The following KY variants were observed in gnomAD, a reference collection of about 807,000 sequenced individuals.
The protein encoded by KY is kyphoscoliosis peptidase.
A neutral mutation model predicts 76.1 loss-of-function variants in KY; 43 were observed. The ratio of observed to expected loss-of-function variants is 0.57; its 90% CI spans 0.44 to 0.73. The LOEUF is 0.73. KY is among the 30% of genes least tolerant of loss of function. The probability of loss-of-function intolerance (pLI) is 0.00; values close to 1 mark genes in which losing one functional copy is unlikely to be tolerated. For missense variants in KY, 722 were observed against 828.9 expected (o/e 0.87, Z 1.58); for synonymous variants, 277 against 326.2 (o/e 0.85, Z 1.63).
chr3:134,639,951 A>AAAAC (rs1377143839), intron 3 of KY: 2 of 23,396 alleles, frequency 8.5e-5, no homozygotes, highest in Non-Finnish European at 1.8e-4. Flanking sequence ...CCCTGTCTCA[A>AAAAC]AAAAAAAAAA....
intron 8 of KY, among the ~76,000 whole-genome samples, chr3:134,611,139 T>C (rs1273995577): frequency 1.3e-5 from 2 of 152,230 alleles, no homozygotes; most frequent in African/African-American, 4.8e-5. Flanking sequence ...TGGAGTCTCC[T>C]GTGGCTGTCC....
Position 134,627,670 on chromosome 3 carries a change from G to C in KY, c.400+86C>G, listed in dbSNP as rs1051842214. On this transcript the variant is annotated intron_variant, in intron 5 of 10. Coordinates refer to ENST00000423778, the MANE Select transcript of KY (RefSeq NM_178554.6). ...CCCAGCCTCTCAGCATAGTGGCCCA[G>C]GAAGCAACTGTCAATTGGAGATTAG... The C allele has an allele frequency of 1.5e-5, 19 of 1,237,636 alleles. No homozygotes were observed. The African/African-American group carries it at 2.7e-4, about 17-fold the overall frequency. The allele number at this position is 1,237,636 out of a possible 1,614,324, so 76.7% of individuals were successfully genotyped here.
chr3:134,638,710 C>T (rs1052926131), intron 3 of KY, among the ~76,000 whole-genome samples: 4 of 152,254 alleles, frequency 2.6e-5, no homozygotes, highest in African/African-American at 9.6e-5. Flanking sequence ...ATGCTTACTG[C>T]CCTGCCTTTC....
intron 10 of KY, 70 bp downstream of exon 10, chr3:134,608,579 G>A (rs748924674): frequency 1.1e-5 from 18 of 1,612,594 alleles, no homozygotes; most frequent in East Asian, 2.2e-5. Context: ...AGTCTCAGGC[G>A]GGCTCCTGGA....
In KY at chr3:134,618,190, C is replaced by A. The variant is rs531256042; in HGVS notation, c.710+958G>T. On this transcript the variant is annotated intron_variant, in intron 8 of 10. Transcript: ENST00000423778. Reference sequence around the variant, plus strand: ...CTGTGCTTGGCAGTGGTGATGGGGGCAGGAGGCAGCACAACAGGGGGTTTG... The same window carrying A: ...CTGTGCTTGGCAGTGGTGATGGGGGAAGGAGGCAGCACAACAGGGGGTTTG... Among the ~76,000 whole-genome samples, 5 of 152,204 alleles carry A rather than the reference C, an allele frequency of 3.3e-5. No individual in the cohort carries two copies. In the South Asian group the frequency reaches 1.0e-3, roughly 32 times the overall value.
rs1039886200 is a variant in KY, at chr3:134,602,037, C to T, written c.*1542G>A. Reference sequence around the variant, plus strand: ...GTGAGGGTGAGTGCCACGGAGGAAGCTATGAGGGTCCCAGCTGGCCCTGGC... The same window carrying T: ...GTGAGGGTGAGTGCCACGGAGGAAGTTATGAGGGTCCCAGCTGGCCCTGGC... On this transcript the variant is annotated 3_prime_UTR_variant, in exon 11 of 11. Coordinates refer to ENST00000423778, the MANE Select transcript of KY (RefSeq NM_178554.6). Among the ~76,000 whole-genome samples the T allele has an allele frequency of 2.0e-5, 3 of 152,182 alleles. No homozygotes were observed. Among genetic ancestry groups the T allele is most frequent in the Admixed American group, 6.5e-5 (1 of 15,280 alleles).
chr3:134,646,841 G>C (rs566772244), intron 2 of KY, among the ~76,000 whole-genome samples: 1 of 152,232 alleles, frequency 6.6e-6, no homozygotes, highest in South Asian at 2.1e-4. Context: ...GTTTGTCCCT[G>C]GAGGCTGGGC....
rs554935589 is a variant in KY at position 134,603,701 on chromosome 3, C to T, written c.1864G>A (p.Glu622Lys). ...QDTWPLTLNH[E>K]GYWEGSCSTA... ...CTGCAGCTTCCCTCCCAGTAGCCCT[C>T]GTGGTTCAGGGTCAGGGGCCATGTG... is the stretch of plus-strand genomic sequence containing the variant. The change falls in exon 11 of 11, where the codon GAG becomes AAG. Residue 622 changes from glutamate (E) to lysine (K), a missense_variant. Around this residue, in one of 2 missense-constraint regions of KY, gnomAD observed 552 missense variants for 680.9 expected, o/e 0.81. Transcript: ENST00000423778. 5 of 1,613,918 alleles carry T rather than the reference C, an allele frequency of 3.1e-6. No homozygotes were observed. Among genetic ancestry groups the T allele is most frequent in the African/African-American group, 1.3e-5 (1 of 75,052 alleles).
chr3:134,625,785 G>T (rs1269306320), intron 5 of KY, among the ~76,000 whole-genome samples: 2 of 152,250 alleles, frequency 1.3e-5, no homozygotes, highest in Non-Finnish European at 2.9e-5. Context: ...CCTGAGAAAG[G>T]CTGGGCCTCC....
At chr3:134,608,119 C>A in intron 10 of KY, 1 of 1,131,292 alleles carries the variant, frequency 8.8e-7, no homozygotes, top group Non-Finnish European at 1.1e-6. Flanking sequence ...CCCATCCTTG[C>A]TGGTTGGACC....
Position 134,604,377 on chromosome 3 carries a change from C to T in KY, c.1188G>A (p.Arg396=). 1 of 1,614,040 alleles carries T rather than the reference C, an allele frequency of 6.2e-7. No individual in the cohort carries two copies. Residue 396 remains arginine, a synonymous_variant, in exon 11 of 11, where the codon AGG becomes AGA. Coordinates refer to ENST00000423778, the MANE Select transcript of KY (RefSeq NM_178554.6). The part of the protein sequence containing the change: ...GKQEHGLLSL[R]KNGMKLEVYP... Reference sequence around the variant, plus strand: ...ACACCTCCAACTTCATCCCATTCTTCCTTAGGCTCAGCAGCCCATGCTCTT... The same window carrying T: ...ACACCTCCAACTTCATCCCATTCTTTCTTAGGCTCAGCAGCCCATGCTCTT...
Position 134,625,133 on chromosome 3 carries a change from A to G in KY, c.403T>C (p.Tyr135His), listed in dbSNP as rs1055206047. The G allele has an allele frequency of 7.5e-6, 12 of 1,595,080 alleles. No individual in the cohort carries two copies. The African/African-American group carries it at 1.3e-4, about 18-fold the overall frequency. The change falls in exon 6 of 11, where the codon TAC (tyrosine) becomes CAC (histidine). Residue 135 changes from tyrosine to histidine, a missense_variant and splice_region_variant. Tyr to His is a moderately conservative substitution (Grantham distance 83). This residue lies in a region of KY where 552 missense variants were observed against 680.9 expected (regional missense o/e 0.81). Transcript: ENST00000423778. ...TTCAGGCTAGATCGATCCCAGGGGT[A>G]GGCTGGAAACACAGGGCACCTTGGT... ...RQPGGKDAHA[Y>H]PWDRSSLKSM...
intron 3 of KY, chr3:134,641,277 C>G (rs779054074): frequency 6.6e-6 from 1 of 152,122 alleles, no homozygotes; most frequent in African/African-American, 2.4e-5. Flanking sequence ...ATCCCTGGAA[C>G]CTGTGAATGT....
At chr3:134,616,097 C>T (rs905370321) in intron 8 of KY, among the ~76,000 whole-genome samples, 9 of 152,174 alleles carry the variant, frequency 5.9e-5, no homozygotes, top group African/African-American at 2.2e-4. Context: ...AAGCTTGGCT[C>T]CTGCGAGGAA....
rs1237560584 is a variant in KY, at chr3:134,600,056, A to G, written c.*3523T>C. ...AAGTAATCACCTCTTTCAATTGCCG[A>G]CTACTTACTCCAAATGAAAAGAAAT... On this transcript the variant is annotated 3_prime_UTR_variant, in exon 11 of 11. Coordinates refer to ENST00000423778, the MANE Select transcript of KY (RefSeq NM_178554.6). Among the ~76,000 whole-genome samples the G allele has an allele frequency of 6.6e-6, 1 of 152,240 alleles. No individual in the cohort carries two copies. The highest frequency in any genetic ancestry group is 1.5e-5 in the Non-Finnish European group (1 of 68,038).
Position 134,643,296 on chromosome 3 carries a change from G to C in KY, c.262+20C>G. On this transcript the variant is annotated intron_variant, in intron 3 of 10. Coordinates refer to ENST00000423778, the MANE Select transcript of KY (RefSeq NM_178554.6). ...GCACACCTCTGCAGGGGAGGTCACG[G>C]CTAGCGGCGAATCACTTACCTTGGC... 6.2e-7 allele frequency: 1 copy of C among 1,613,042 alleles called. No individual in the cohort carries two copies. The highest frequency in any genetic ancestry group is 8.5e-7 in the Non-Finnish European group (1 of 1,179,558).
intron 5 of KY, 109 bp from the exon 6 acceptor site, chr3:134,625,244 A>G (rs995663733): frequency 1.2e-6 from 1 of 825,830 alleles, no homozygotes; most frequent in African/African-American, 1.7e-5. Flanking sequence ...CCTTTAACAC[A>G]ATTCTCAAAG....
Position 134,650,806 on chromosome 3 carries a change from C to T in KY, c.136+19G>A, listed in dbSNP as rs750543704. On this transcript the variant is annotated intron_variant, in intron 1 of 10. Transcript: ENST00000423778. ...CAAGGTGCCGGGGGACCCGGGGACC[C>T]GGGTCGGGCGCGCGTTACCTCCTCC... 38 of 1,555,780 alleles carry T rather than the reference C, an allele frequency of 2.4e-5. No individual in the cohort carries two copies. Among genetic ancestry groups the T allele is most frequent in the Admixed American group, 1.3e-4 (7 of 54,266 alleles).
At chr3:134,628,629 G>C (rs1963785763) in intron 4 of KY, among the ~76,000 whole-genome samples, 1 of 152,174 alleles carries the variant, frequency 6.6e-6, no homozygotes, top group East Asian at 1.9e-4. Flanking sequence ...CTTTTTGATA[G>C]AATGATAAAG....
Sources: allele counts gnomAD v4.1 joint callset (sites outside exome capture counted in the v4.1 genomes callset), GRCh38; gene constraint gnomAD v4.1.1; regional missense constraint gnomAD v4.1.1; transcripts MANE v1.5; gene names NCBI Gene and HGNC (gene_info 2026-07-23, HGNC 2026-07-21).